MAGI2: variants seen among roughly 807,000 people sequenced by gnomAD.
The protein encoded by MAGI2 is membrane-associated guanylate kinase, WW and PDZ domain-containing protein 2.
A neutral mutation model predicts 133.3 loss-of-function variants in MAGI2; 35 were observed. That is an observed-to-expected ratio of 0.26 (90% CI 0.20 to 0.35). The LOEUF is 0.35. Ranked by LOEUF, MAGI2 falls within the 10% of genes least tolerant of loss-of-function variation. The pLI is 1.00. For missense variants in MAGI2, 1,636 were observed against 1,863.4 expected (o/e 0.88, Z 2.25); for synonymous variants, 729 against 710.6 (o/e 1.03, Z -0.41).
intron 2 of MAGI2, among the ~76,000 whole-genome samples, chr7:78,889,756 A>G (rs1002803275): frequency 4.6e-5 from 7 of 152,232 alleles, no homozygotes; most frequent in African/African-American, 1.7e-4. Context: ...AACAACTGAT[A>G]CCAGCCACTG....
At chr7:79,361,082 A>C (rs548649110) in intron 1 of MAGI2, among the ~76,000 whole-genome samples, 43 of 152,326 alleles carry the variant, frequency 2.8e-4, no homozygotes, top group Non-Finnish European at 5.3e-4. Context: ...TATCCAGTGA[A>C]GTAGACTTCA....
chr7:78,291,271 A>G (rs573241444), intron 9 of MAGI2, among the ~76,000 whole-genome samples: 13 of 152,364 alleles, frequency 8.5e-5, no homozygotes, highest in African/African-American at 2.9e-4. Context: ...TCCCACAGAA[A>G]TACAAACTAC....
rs576544568 is a variant in MAGI2, at chr7:78,562,480, T to C, written c.539-40835A>G. Among the ~76,000 whole-genome samples, 7 of 152,308 alleles carry C rather than the reference T, an allele frequency of 4.6e-5. No individual in the cohort carries two copies. The South Asian group carries it at 1.5e-3, about 32-fold the overall frequency. On this transcript the variant is annotated intron_variant, in intron 3 of 21. Coordinates refer to ENST00000354212, the MANE Select transcript of MAGI2 (RefSeq NM_012301.4). ...GTAGGAAAGAATAATAAACATCTGA[T>C]TGGAACATATTGCAATGGAGACATA...
intron 1 of MAGI2, among the ~76,000 whole-genome samples, chr7:79,267,222 A>G (rs1429731463): frequency 3.3e-5 from 5 of 152,162 alleles, no homozygotes; most frequent in African/African-American, 4.8e-5. Context: ...GCTTGGCACC[A>G]TGCATAAATG....
At chr7:78,501,934 C>T (rs760988709) in intron 4 of MAGI2, 147 bp from the exon 5 acceptor site, 18 of 620,564 alleles carry the variant, frequency 2.9e-5, no homozygotes, top group African/African-American at 5.5e-5. Flanking sequence ...ATAATGATCA[C>T]TAGGCCTATT....
At chr7:78,761,823 G>T (rs899739014) in intron 2 of MAGI2, among the ~76,000 whole-genome samples, 4 of 151,950 alleles carry the variant, frequency 2.6e-5, no homozygotes, top group African/African-American at 9.7e-5. Context: ...CTTAGGCAAT[G>T]CTGATGCTGG....
chr7:78,188,431 T>C (rs969436902), intron 12 of MAGI2, among the ~76,000 whole-genome samples: 19 of 152,126 alleles, frequency 1.2e-4, no homozygotes, highest in African/African-American at 4.6e-4. Context: ...AGGATAACAA[T>C]AATGCTTTTC....
intron 11 of MAGI2, among the ~76,000 whole-genome samples, chr7:78,197,035 G>T (rs768915915): frequency 1.3e-5 from 2 of 152,190 alleles, no homozygotes; most frequent in Non-Finnish European, 2.9e-5. Context: ...TGTTAAATAT[G>T]GTTTGAGTTT....
intron 6 of MAGI2, among the ~76,000 whole-genome samples, chr7:78,373,181 A>G (rs1794100412): frequency 6.6e-6 from 1 of 152,140 alleles, no homozygotes; most frequent in Admixed American, 6.6e-5. Flanking sequence ...GATATTCAAT[A>G]AAGTAGCTGA....
At chr7:78,283,272 CCTT>C (rs1168981544) in intron 9 of MAGI2, among the ~76,000 whole-genome samples, 2 of 152,072 alleles carry the variant, frequency 1.3e-5, no homozygotes, top group African/African-American at 4.8e-5. Flanking sequence ...GTTTTCTAGG[CCTT>C]CTTCAATAAA....
chr7:78,159,984 C>G, intron 16 of MAGI2, 41 bp downstream of exon 16: 3 of 1,522,526 alleles, frequency 2.0e-6, no homozygotes, highest in South Asian at 1.4e-5. Context: ...CAAATCAAAA[C>G]AAGACCCCTT....
intron 2 of MAGI2, among the ~76,000 whole-genome samples, chr7:78,633,385 T>A (rs774031502): frequency 2.6e-5 from 4 of 151,944 alleles, no homozygotes; most frequent in Non-Finnish European, 5.9e-5. Flanking sequence ...TTCACATGTA[T>A]CCCCAGAACC....
intron 6 of MAGI2, among the ~76,000 whole-genome samples, chr7:78,472,515 T>C (rs888055884): frequency 6.6e-6 from 1 of 152,112 alleles, no homozygotes; most frequent in African/African-American, 2.4e-5. Flanking sequence ...ATTTAAGGAT[T>C]GCACATTGCC....
intron 5 of MAGI2, among the ~76,000 whole-genome samples, chr7:78,496,546 A>C (rs1794102143): frequency 6.6e-6 from 1 of 152,162 alleles, no homozygotes; most frequent in Non-Finnish European, 1.5e-5. Flanking sequence ...TGGCCAAGAA[A>C]CTTATAAAAC....
chr7:78,737,284 G>T (rs1380625161), intron 2 of MAGI2, among the ~76,000 whole-genome samples: 2 of 152,086 alleles, frequency 1.3e-5, no homozygotes, highest in African/African-American at 4.8e-5. Flanking sequence ...AGAAAGATTG[G>T]CATAATTCAG....
intron 2 of MAGI2, among the ~76,000 whole-genome samples, chr7:78,928,761 A>G (rs1799897322): frequency 6.6e-6 from 1 of 152,076 alleles, no homozygotes; most frequent in African/African-American, 2.4e-5. Flanking sequence ...CAAGAAATGC[A>G]CCGGAGAGAA....
chr7:78,510,684 G>A (rs1447072984), intron 4 of MAGI2, among the ~76,000 whole-genome samples: 1 of 152,152 alleles, frequency 6.6e-6, no homozygotes, highest in Non-Finnish European at 1.5e-5. Flanking sequence ...GTAATTTAAA[G>A]GAGGAAAAGC....
At chr7:78,911,244 C>CA (rs1432495621) in intron 2 of MAGI2, among the ~76,000 whole-genome samples, 37 of 151,830 alleles carry the variant, frequency 2.4e-4, no homozygotes, top group African/African-American at 8.9e-4. Flanking sequence ...TTTTTTTTCA[C>CA]AGATAGTGGA....
At chr7:78,737,545 A>G (rs1448143060) in intron 2 of MAGI2, among the ~76,000 whole-genome samples, 2 of 152,190 alleles carry the variant, frequency 1.3e-5, no homozygotes, top group African/African-American at 4.8e-5. Flanking sequence ...CCAACTGCAT[A>G]TCTGTGTCAG....
Sources: gnomAD v4.1 joint callset for allele counts (sites outside exome capture counted in the v4.1 genomes callset) on GRCh38, gnomAD v4.1.1 for gene constraint, MANE v1.5 for transcripts, NCBI Gene and HGNC (gene_info 2026-07-23, HGNC 2026-07-21) for gene names.